The following GSDMC variants were observed in gnomAD, a reference collection of about 807,000 sequenced individuals.
The protein encoded by GSDMC is gasdermin C, also known as gasdermin-C.
A neutral mutation model predicts 58.0 loss-of-function variants in GSDMC; 59 were observed. That is an observed-to-expected ratio of 1.02 (90% CI 0.82 to 1.26). The LOEUF is 1.26. Ranked by LOEUF, GSDMC falls within the 50% of genes most tolerant of loss-of-function variation. The probability of loss-of-function intolerance (pLI) is 0.00; values close to 1 mark genes in which losing one functional copy is unlikely to be tolerated. For synonymous variants in GSDMC, 241 were observed against 220.2 expected (o/e 1.09, Z -0.83); for missense variants, 659 against 598.5 (o/e 1.10, Z -1.06).
chr8:129,719,402 C>T, the GSDMC span, among the ~76,000 whole-genome samples: 367 of 152,060 alleles, frequency 2.4e-3, 1 homozygote, highest in Non-Finnish European at 4.5e-3. Context: ...CAAAAAGAGA[C>T]GTAGAAAAAT....
At chr8:129,714,883 C>T in the GSDMC span, among the ~76,000 whole-genome samples, 1 of 152,232 alleles carries the variant, frequency 6.6e-6, no homozygotes, top group African/African-American at 2.4e-5. Context: ...TTTTTCTTCT[C>T]TTAAATTCTT....
the GSDMC span, among the ~76,000 whole-genome samples, chr8:129,738,879 ATCAG>A: frequency 2.6e-5 from 4 of 152,296 alleles, no homozygotes; most frequent in East Asian, 1.9e-4. Flanking sequence ...TTAAAAAGAA[ATCAG>A]TCAGAGTTTC....
chr8:129,728,352 C>T, the GSDMC span, among the ~76,000 whole-genome samples: 4 of 152,200 alleles, frequency 2.6e-5, no homozygotes, highest in Non-Finnish European at 5.9e-5. Context: ...CACACCCAGG[C>T]GGATCTCCGG....
In GSDMC at chr8:129,749,466, G is replaced by A; in HGVS notation, c.1273C>T (p.Gln425Ter). ...GAAGTTCTCACCAGCTCCTGTTGCT[G>A]AAGCAGGATCCTCTTCTCCATGGAA... Reference protein sequence around the residue: ...ACSMEKRILLQQQELVRSILE... With the variant: ...ACSMEKRILL Residue 425 changes from glutamine to a stop codon, truncating the protein, a stop_gained, in exon 13 of 14, where the codon CAG becomes TAG. Transcript: ENST00000276708. LOFTEE classifies it low-confidence loss of function (END_TRUNC). 1.2e-6 allele frequency: 2 copies of A among 1,613,178 alleles called. No individual in the cohort carries two copies. Among genetic ancestry groups the A allele is most frequent in the East Asian group, 2.2e-5 (1 of 44,882 alleles).
chr8:129,759,583 A>T (rs888389169), intron 6 of GSDMC, among the ~76,000 whole-genome samples: 1 of 152,242 alleles, frequency 6.6e-6, no homozygotes, highest in African/African-American at 2.4e-5. Context: ...AAAAGAAGAC[A>T]TACGAATAGC....
At chr8:129,719,621 T>G in the GSDMC span, among the ~76,000 whole-genome samples, 1 of 152,182 alleles carries the variant, frequency 6.6e-6, no homozygotes, top group Non-Finnish European at 1.5e-5. Flanking sequence ...GATCACATTT[T>G]GGGTCACAAA....
At chr8:129,741,178 T>A in the GSDMC span, among the ~76,000 whole-genome samples, 1 of 152,138 alleles carries the variant, frequency 6.6e-6, no homozygotes, top group Non-Finnish European at 1.5e-5. Flanking sequence ...ATTTCTGGGC[T>A]TTTTATCCTG....
At chr8:129,729,895 T>C in the GSDMC span, 1 of 1,204,286 alleles carries the variant, frequency 8.3e-7, no homozygotes, top group African/African-American at 1.5e-5. Context: ...CCTACTGAGA[T>C]TAATCTGGTG....
the GSDMC span, among the ~76,000 whole-genome samples, chr8:129,722,281 G>A: frequency 6.6e-6 from 1 of 152,204 alleles, no homozygotes; most frequent in African/African-American, 2.4e-5. Context: ...GAATGAGAGG[G>A]AGAGATTTTG....
intron 7 of GSDMC, 59 bp from the exon 8 acceptor site, chr8:129,752,206 C>T: frequency 7.7e-7 from 1 of 1,306,606 alleles, no homozygotes; most frequent in Non-Finnish European, 1.1e-6. Flanking sequence ...TACTTTTCCT[C>T]CTCTACTTCT....
downstream of GSDMC, among the ~76,000 whole-genome samples, chr8:129,745,257 A>G (rs952101339): frequency 3.9e-5 from 6 of 152,202 alleles, no homozygotes; most frequent in Non-Finnish European, 8.8e-5. Context: ...CCTTTTTCAT[A>G]TGGCTTCCAA....
intron 3 of GSDMC, among the ~76,000 whole-genome samples, chr8:129,774,716 T>A (rs1251804506): frequency 1.3e-5 from 2 of 151,912 alleles, no homozygotes; most frequent in Non-Finnish European, 2.9e-5. Context: ...ACGGCTAAAT[T>A]GCAAAATCAA....
At chr8:129,772,180 G>T (rs2034078874) in intron 3 of GSDMC, among the ~76,000 whole-genome samples, 1 of 149,302 alleles carries the variant, frequency 6.7e-6, no homozygotes, top group South Asian at 2.1e-4. Flanking sequence ...AGAATGGCAT[G>T]AACCCGGGAG....
At chr8:129,751,223 G>C (rs2033176923) in intron 10 of GSDMC, among the ~76,000 whole-genome samples, 1 of 152,098 alleles carries the variant, frequency 6.6e-6, no homozygotes, top group Admixed American at 6.5e-5. Context: ...ATTAACCAAG[G>C]GGTGGATGCT....
chr8:129,746,354 T>C (rs1309403380), downstream of GSDMC, among the ~76,000 whole-genome samples: 1 of 151,944 alleles, frequency 6.6e-6, no homozygotes, highest in Non-Finnish European at 1.5e-5. Context: ...GTAATTATAG[T>C]TGAGAGTTGA....
Position 129,765,763 on chromosome 8 carries a change from C to G in GSDMC, c.435G>C (p.Leu145=). Residue 145 remains leucine (L), a synonymous_variant, in exon 4 of 14, where the codon CTG becomes CTC. Coordinates refer to ENST00000276708, the MANE Select transcript of GSDMC (RefSeq NM_031415.3). ...TGTCCCCTCTCCTCCGGCACTCCTT[C>G]AGAAATGATGGCTCTGGATCCAACA... ...RKLLDPEPSF[L]KECRRRGDNL... The G allele has an allele frequency of 6.2e-7, 1 of 1,613,968 alleles. No homozygotes were observed. Among genetic ancestry groups the G allele is most frequent in the Non-Finnish European group, 8.5e-7 (1 of 1,179,886 alleles).
intron 5 of GSDMC, 34 bp downstream of exon 5, chr8:129,762,592 T>C: frequency 1.6e-6 from 2 of 1,270,796 alleles, no homozygotes; most frequent in African/African-American, 1.5e-5. Context: ...CCCCCTCCAC[T>C]GCCATCTGCC....
the GSDMC span, chr8:129,728,657 A>G: frequency 1.0e-5 from 3 of 288,534 alleles, no homozygotes; most frequent in African/African-American, 6.4e-5. Context: ...TCTGCTAGTA[A>G]ACAAGGATCA....
At chr8:129,776,744 T>C (rs1318360732) in intron 2 of GSDMC, among the ~76,000 whole-genome samples, 2 of 149,340 alleles carry the variant, frequency 1.3e-5, no homozygotes, top group African/African-American at 2.6e-5. Flanking sequence ...TTTGCTGTTG[T>C]TGTTGTTGTT....
Sources: allele counts gnomAD v4.1 joint callset (sites outside exome capture counted in the v4.1 genomes callset), GRCh38; gene constraint gnomAD v4.1.1; transcripts MANE v1.5; gene names NCBI Gene and HGNC (gene_info 2026-07-23, HGNC 2026-07-21).